The following LDB2 variants were observed in gnomAD, a reference collection of about 807,000 sequenced individuals.
The protein encoded by LDB2 is LIM domain-binding protein 2.
In LDB2, 12 loss-of-function variants were observed where a neutral mutation model predicts 44.3. The observed-to-expected ratio is 0.27, with a 90% confidence interval of 0.17 to 0.44. The LOEUF (loss-of-function observed/expected upper bound fraction) is 0.44. Ranked by LOEUF, LDB2 falls within the 20% of genes least tolerant of loss-of-function variation. The pLI is 1.00. For synonymous variants in LDB2, 164 were observed against 174.8 expected (o/e 0.94, Z 0.49); for missense variants, 344 against 473.5 (o/e 0.73, Z 2.54).
chr4:16,690,479 A>AAGGAAGGAAGGGAGGAAGGGAGGG (rs1750389239), intron 2 of LDB2, among the ~76,000 whole-genome samples: 1 of 26,174 alleles, frequency 3.8e-5, no homozygotes, highest in Non-Finnish European at 7.5e-5. Context: ...GGAAGGAAGG[A>AAGGAAGGAAGGGAGGAAGGGAGGG]AGGGAGGGAG....
chr4:16,676,436 C>T (rs1333663995), intron 2 of LDB2, among the ~76,000 whole-genome samples: 2 of 152,168 alleles, frequency 1.3e-5, no homozygotes, highest in Admixed American at 1.3e-4. Context: ...AGCCCCTTCG[C>T]CAAGATCACG....
chr4:16,657,710 T>C (rs1740315590), intron 2 of LDB2, among the ~76,000 whole-genome samples: 2 of 152,236 alleles, frequency 1.3e-5, no homozygotes, highest in African/African-American at 4.8e-5. Flanking sequence ...GGATTTGCTG[T>C]CCTCTGCGTC....
intron 2 of LDB2, 97 bp downstream of exon 2, chr4:16,759,061 G>A (rs920890893): frequency 1.4e-6 from 1 of 732,492 alleles, no homozygotes; most frequent in African/African-American, 1.8e-5. Flanking sequence ...AGGTATTATT[G>A]TCAGGCTGTC....
intron 5 of LDB2, among the ~76,000 whole-genome samples, chr4:16,572,561 ATATG>A (rs1337655779): frequency 1.3e-5 from 2 of 151,834 alleles, no homozygotes; most frequent in East Asian, 3.9e-4. Flanking sequence ...TTTTGTATAT[ATATG>A]TATTTGTTGT....
chr4:16,727,542 G>C (rs1759790445), intron 2 of LDB2, among the ~76,000 whole-genome samples: 1 of 152,104 alleles, frequency 6.6e-6, no homozygotes. Flanking sequence ...CCTTTTTGAG[G>C]TATTTCTTAC....
intron 2 of LDB2, among the ~76,000 whole-genome samples, chr4:16,614,580 C>CA (rs1164613202): frequency 0.083 from 4,421 of 53,424 alleles, 90 homozygotes; most frequent in Non-Finnish European, 0.1. Context: ...CAAGAAAAAA[C>CA]AAAAAAAAAA....
At chr4:16,898,303 G>C in intron 1 of LDB2, 51 bp downstream of exon 1, 1 of 1,573,758 alleles carries the variant, frequency 6.4e-7, no homozygotes, top group Non-Finnish European at 8.7e-7. Context: ...AAAAGCTCAT[G>C]CATAGCTTAA....
At chr4:16,855,820 TAATA>T (rs1789251674) in intron 1 of LDB2, among the ~76,000 whole-genome samples, 2 of 152,166 alleles carry the variant, frequency 1.3e-5, no homozygotes, top group Non-Finnish European at 2.9e-5. Context: ...CTAAGTGAAC[TAATA>T]TTTTCCAAAT....
intron 2 of LDB2, among the ~76,000 whole-genome samples, chr4:16,755,093 A>G (rs559466902): frequency 1.3e-5 from 2 of 152,260 alleles, no homozygotes; most frequent in East Asian, 3.9e-4. Context: ...GTGGACCTGG[A>G]CCTGGACACA....
At chr4:16,572,340 C>T (rs1277406988) in intron 5 of LDB2, among the ~76,000 whole-genome samples, 1 of 152,164 alleles carries the variant, frequency 6.6e-6, no homozygotes, top group Non-Finnish European at 1.5e-5. Flanking sequence ...TTCCCTTAGA[C>T]TGACTGCCAA....
chr4:16,712,483 C>T (rs571247895), intron 2 of LDB2, among the ~76,000 whole-genome samples: 41 of 152,058 alleles, frequency 2.7e-4, no homozygotes, highest in East Asian at 5.8e-4. Context: ...GCCCAGGAGT[C>T]GGAGGTTGTA....
At chr4:16,785,826 C>T (rs1313624056) in intron 1 of LDB2, among the ~76,000 whole-genome samples, 1 of 152,084 alleles carries the variant, frequency 6.6e-6, no homozygotes, top group Non-Finnish European at 1.5e-5. Flanking sequence ...TTTCAGGGTC[C>T]GTTCCTGGAA....
At chr4:16,639,469 T>C (rs1403549521) in intron 2 of LDB2, among the ~76,000 whole-genome samples, 2 of 152,194 alleles carry the variant, frequency 1.3e-5, no homozygotes, top group South Asian at 2.1e-4. Flanking sequence ...GAATTATTAT[T>C]ATTATTATTG....
At chr4:16,844,148 T>C (rs1401610803) in intron 1 of LDB2, among the ~76,000 whole-genome samples, 1 of 146,874 alleles carries the variant, frequency 6.8e-6, no homozygotes, top group East Asian at 2.0e-4. Context: ...TCTCAGCTAC[T>C]TGGGAGTCTA....
chr4:16,606,347 C>A (rs762901090), intron 2 of LDB2, among the ~76,000 whole-genome samples: 1 of 152,122 alleles, frequency 6.6e-6, no homozygotes, highest in Non-Finnish European at 1.5e-5. Flanking sequence ...ACATTCTTTT[C>A]TCAACAGGGT....
At chr4:16,651,601 T>C (rs1430083646) in intron 2 of LDB2, among the ~76,000 whole-genome samples, 1 of 151,674 alleles carries the variant, frequency 6.6e-6, no homozygotes, top group Non-Finnish European at 1.5e-5. Context: ...TTTTTTAATG[T>C]CTACGCTTAT....
chr4:16,549,844 A>G (rs561647651), intron 5 of LDB2, among the ~76,000 whole-genome samples: 33 of 152,348 alleles, frequency 2.2e-4, no homozygotes, highest in African/African-American at 7.2e-4. Context: ...TATTTTGCTA[A>G]AGGGCAGCAA....
intron 1 of LDB2, among the ~76,000 whole-genome samples, chr4:16,866,321 T>C (rs1283131670): frequency 6.6e-6 from 1 of 152,208 alleles, no homozygotes; most frequent in African/African-American, 2.4e-5. Flanking sequence ...ATTTAAATAA[T>C]GGAAAAATAA....
At chr4:16,834,898 C>T (rs181822216) in intron 1 of LDB2, among the ~76,000 whole-genome samples, 94 of 151,478 alleles carry the variant, frequency 6.2e-4, no homozygotes, top group Non-Finnish European at 1.0e-3. Flanking sequence ...CTCCCAGCAT[C>T]CATTTACATA....
Sources: allele counts gnomAD v4.1 joint callset (sites outside exome capture counted in the v4.1 genomes callset), GRCh38; gene constraint gnomAD v4.1.1; transcripts MANE v1.5; gene names NCBI Gene and HGNC (gene_info 2026-07-23, HGNC 2026-07-21).